PRUNE2: variants seen among roughly 807,000 people sequenced by gnomAD.
PRUNE2 encodes the protein protein prune homolog 2.
In PRUNE2, 164 loss-of-function variants were observed where a neutral mutation model predicts 252.0. The observed-to-expected ratio is 0.65, with a 90% CI of 0.57 to 0.74. The LOEUF (loss-of-function observed/expected upper bound fraction) is 0.74. Ranked by LOEUF, PRUNE2 falls within the 30% of genes least tolerant of loss-of-function variation. The pLI is 0.00. For synonymous variants in PRUNE2, 1,292 were observed against 1,350.2 expected (o/e 0.96, Z 0.94); for missense variants, 3,495 against 3,711.0 (o/e 0.94, Z 1.51).
At chr9:76,653,786 T>C (rs1262598073) in intron 10 of PRUNE2, among the ~76,000 whole-genome samples, 14 of 152,156 alleles carry the variant, frequency 9.2e-5, no homozygotes, top group Admixed American at 5.2e-4. Flanking sequence ...CCAGCTCTTA[T>C]GCCAATCTCG....
At chr9:76,617,817 A>G (rs1830406986) in intron 18 of PRUNE2, among the ~76,000 whole-genome samples, 1 of 152,234 alleles carries the variant, frequency 6.6e-6, no homozygotes, top group Non-Finnish European at 1.5e-5. Context: ...GGTAAGCCCC[A>G]AGATGTAGCA....
chr9:76,869,448 A>C (rs916507083), intron 1 of PRUNE2, among the ~76,000 whole-genome samples: 6 of 152,196 alleles, frequency 3.9e-5, no homozygotes, highest in Non-Finnish European at 7.3e-5. Context: ...GTGACCTCTC[A>C]GGATCGTTCT....
At chr9:76,620,087 TATTA>T (rs777666853) in intron 17 of PRUNE2, among the ~76,000 whole-genome samples, 70 of 152,312 alleles carry the variant, frequency 4.6e-4, no homozygotes, top group Non-Finnish European at 5.3e-4. Flanking sequence ...ATTTGCTTCC[TATTA>T]ATTCTTGATG....
chr9:76,855,188 C>G (rs2060190035), intron 1 of PRUNE2, among the ~76,000 whole-genome samples: 1 of 150,970 alleles, frequency 6.6e-6, no homozygotes, highest in South Asian at 2.1e-4. Flanking sequence ...GGAAGGCTGA[C>G]ATTCTTTTGC....
rs148917232 is a variant in PRUNE2, at chr9:76,777,002, C to A, written c.756+46630G>T. 4.1e-3 allele frequency among the ~76,000 whole-genome samples: 619 copies of A among 150,556 alleles called. 4 individuals carry two copies. Among genetic ancestry groups the A allele is most frequent in the African/African-American group, 0.014 (581 of 41,128 alleles). ...AGATTCTCGGCACTCCTAAACTGTTCCTCTTGGGTTGGGTTCCCACATCTG... is the reference window on the plus strand; with the variant it reads ...AGATTCTCGGCACTCCTAAACTGTTACTCTTGGGTTGGGTTCCCACATCTG... On this transcript the variant is annotated intron_variant, in intron 6 of 18. Transcript: ENST00000376718.
chr9:76,753,919 G>GAA (rs369077074), intron 6 of PRUNE2, among the ~76,000 whole-genome samples: 257 of 129,052 alleles, frequency 2.0e-3, no homozygotes, highest in African/African-American at 4.2e-3. Flanking sequence ...CTCTGTCTCA[G>GAA]AAAAAAAAAA....
At chr9:76,748,230 T>C (rs755668994) in intron 6 of PRUNE2, among the ~76,000 whole-genome samples, 1 of 152,198 alleles carries the variant, frequency 6.6e-6, no homozygotes, top group Non-Finnish European at 1.5e-5. Context: ...GGAGAAAAGA[T>C]AGTTCAAATG....
intron 6 of PRUNE2, among the ~76,000 whole-genome samples, chr9:76,771,146 GAA>G (rs1396121742): frequency 1.3e-5 from 2 of 152,080 alleles, no homozygotes; most frequent in Non-Finnish European, 2.9e-5. Context: ...TATGATCATA[GAA>G]ACTAGACATG....
chr9:76,753,845 G>A (rs1341905767), intron 6 of PRUNE2, among the ~76,000 whole-genome samples: 1 of 147,670 alleles, frequency 6.8e-6, no homozygotes, highest in African/African-American at 2.5e-5. Flanking sequence ...GTGAACCCAG[G>A]AGACGGAGCT....
chr9:76,768,575 GTATATGTA>G (rs1413931317), intron 6 of PRUNE2, among the ~76,000 whole-genome samples: 16 of 124,290 alleles, frequency 1.3e-4, no homozygotes, highest in Non-Finnish European at 1.2e-4. Flanking sequence ...ATATATATAT[GTATATGTA>G]TGTGTGTGTG....
At chr9:76,799,664 T>C (rs2056403378) in intron 6 of PRUNE2, among the ~76,000 whole-genome samples, 1 of 152,184 alleles carries the variant, frequency 6.6e-6, no homozygotes, top group Admixed American at 6.5e-5. Context: ...TAAGCCTGGG[T>C]TGTCAGGGCA....
At chr9:76,854,477 T>C (rs965030926) in intron 1 of PRUNE2, among the ~76,000 whole-genome samples, 4 of 152,210 alleles carry the variant, frequency 2.6e-5, no homozygotes, top group Non-Finnish European at 4.4e-5. Flanking sequence ...ATGAACTGTA[T>C]CTCTGAGTCG....
At chr9:76,824,612 A>C (rs1282881541) in intron 5 of PRUNE2, among the ~76,000 whole-genome samples, 2 of 152,228 alleles carry the variant, frequency 1.3e-5, no homozygotes, top group Non-Finnish European at 2.9e-5. Flanking sequence ...ACAGTAAAGC[A>C]GCAAAGGATC....
At chr9:76,840,755 C>A (rs1250066470) in intron 4 of PRUNE2, among the ~76,000 whole-genome samples, 1 of 152,102 alleles carries the variant, frequency 6.6e-6, no homozygotes, top group African/African-American at 2.4e-5. Flanking sequence ...CTGAGGCGGG[C>A]AGATCACCTG....
chr9:76,904,116 G>A (rs1317141713), intron 1 of PRUNE2, among the ~76,000 whole-genome samples: 1 of 152,148 alleles, frequency 6.6e-6, no homozygotes, highest in Non-Finnish European at 1.5e-5. Flanking sequence ...GATGTGAAAG[G>A]TTAATCATGA....
At chr9:76,739,833 C>T (rs937582372) in intron 6 of PRUNE2, 1 of 152,134 alleles carries the variant, frequency 6.6e-6, no homozygotes. Context: ...TGCCTGTAAT[C>T]CCAGCTCTTT....
At position 76,705,959 on chromosome 9, in the gene PRUNE2, A is replaced by G. The variant is rs778574533; in HGVS notation, c.6315T>C (p.Pro2105=). The G allele has an allele frequency of 6.2e-7, 1 of 1,613,978 alleles. No homozygotes were observed. Among genetic ancestry groups the G allele is most frequent in the South Asian group, 1.1e-5 (1 of 91,072 alleles). The change falls in exon 8 of 19, where the codon CCT becomes CCC. Residue 2105 remains proline, a synonymous_variant. Transcript: ENST00000376718. ...TTGCTTCAGAATCGTGACATATATC[A>G]GGGCTGTCGGAAGCCTGAGAATTGC... The part of the protein sequence containing the change: ...HDSNSQASDS[P]DICHDSEAKQ...
chr9:76,683,999 C>T (rs1255819711), intron 9 of PRUNE2, among the ~76,000 whole-genome samples: 1 of 151,234 alleles, frequency 6.6e-6, no homozygotes, highest in Non-Finnish European at 1.5e-5. Context: ...TGATGGGATA[C>T]AATGTGATGT....
intron 1 of PRUNE2, among the ~76,000 whole-genome samples, chr9:76,889,377 G>A (rs1458615731): frequency 2.0e-5 from 3 of 151,772 alleles, no homozygotes; most frequent in African/African-American, 7.3e-5. Flanking sequence ...CTGGAGTGCA[G>A]TGGTATGATC....
Sources: allele counts gnomAD v4.1 joint callset (sites outside exome capture counted in the v4.1 genomes callset), GRCh38; gene constraint gnomAD v4.1.1; transcripts MANE v1.5; gene names NCBI Gene and HGNC (gene_info 2026-07-23, HGNC 2026-07-21).